The following SLC39A6 variants were observed in gnomAD, a reference collection of about 807,000 sequenced individuals.
The protein encoded by SLC39A6 is zinc transporter ZIP6.
Under a neutral mutation model 63.5 loss-of-function variants are expected in SLC39A6, and 51 were observed. The observed-to-expected ratio is 0.80, with a 90% CI of 0.64 to 1.01. The LOEUF (loss-of-function observed/expected upper bound fraction) is 1.01. SLC39A6 is among the 50% of genes least tolerant of loss of function. The pLI is 0.00. For missense variants in SLC39A6, 805 were observed against 927.8 expected (o/e 0.87, Z 1.72); for synonymous variants, 318 against 324.7 (o/e 0.98, Z 0.22).
At chr18:36,125,221 T>A (rs918796751) in intron 2 of SLC39A6, among the ~76,000 whole-genome samples, 1 of 152,080 alleles carries the variant, frequency 6.6e-6, no homozygotes, top group African/African-American at 2.4e-5. Flanking sequence ...TGCAGATTAT[T>A]CTTGTGGAGG....
At chr18:36,114,937 GA>G (rs2089331756) in intron 6 of SLC39A6, among the ~76,000 whole-genome samples, 2 of 151,994 alleles carry the variant, frequency 1.3e-5, no homozygotes, top group South Asian at 4.2e-4. Flanking sequence ...AAAATTCAAG[GA>G]AAAAACAGAG....
In SLC39A6 at chr18:36,122,250, A is replaced by G. The variant is rs777671957; in HGVS notation, c.1161T>C (p.His387=). The change falls in exon 5 of 10, where the codon CAT becomes CAC. Residue 387 remains histidine, a synonymous_variant. Coordinates refer to ENST00000269187, the MANE Select transcript of SLC39A6 (RefSeq NM_012319.4). ...TTGCTGGTTCTTCATGGCTATGACT[A>G]TGGTGGTGACTTGCATGAGACTGAA... ...LLPHSHASHH[H]SHSHEEPAME... is the part of the protein sequence containing the mutation. The G allele has an allele frequency of 2.5e-6, 4 of 1,613,074 alleles. No homozygotes were observed. The highest frequency in any genetic ancestry group is 3.3e-5 in the Admixed American group (2 of 59,924).
At chr18:36,118,233 G>A (rs1427324157) in intron 5 of SLC39A6, among the ~76,000 whole-genome samples, 2 of 152,082 alleles carry the variant, frequency 1.3e-5, no homozygotes, top group South Asian at 2.1e-4. Flanking sequence ...TAAGTATTAA[G>A]GGCCCACAGT....
At chr18:36,109,792 G>A (rs1246041163) in intron 9 of SLC39A6, 47 bp from the exon 10 acceptor site, 1 of 1,525,990 alleles carries the variant, frequency 6.6e-7, no homozygotes, top group Non-Finnish European at 8.9e-7. Flanking sequence ...TAAGTTTTTA[G>A]AACTACAGAT....
chr18:36,126,961 G>A lies in SLC39A6; in HGVS notation c.47C>T (p.Ser16Phe), dbSNP rs769383798. The change falls in exon 2 of 10, where the codon TCT (serine) becomes TTT (phenylalanine). Residue 16 changes from serine to phenylalanine, a missense_variant. Physicochemically the swap from Ser to Phe is radical, Grantham distance 155. Transcript: ENST00000269187. ...TAGTTCATGAAGGGGATTTGTGACA[G>A]AGAGGGCAAAGGTCAGGATCAAGAT... is the stretch of plus-strand genomic sequence containing the variant. ...SVILILTFAL[S>F]VTNPLHELKA... 1 of 1,614,214 alleles carries A rather than the reference G, an allele frequency of 6.2e-7. No homozygotes were observed. Among genetic ancestry groups the A allele is most frequent in the South Asian group, 1.1e-5 (1 of 91,084 alleles).
Position 36,124,581 on chromosome 18 carries a change from A to G in SLC39A6, c.909T>C (p.Cys303=). ...CCTTCTTTTCACTTGTATGAATCAGACAAGATCTAGCATCAATTTGGTTGA... is the reference window on the plus strand; with the variant it reads ...CCTTCTTTTCACTTGTATGAATCAGGCAAGATCTAGCATCAATTTGGTTGA... The part of the protein sequence containing the change: ...AIINQIDARS[C]LIHTSEKKAE... The change falls in exon 3 of 10, where the codon TGT becomes TGC. Residue 303 remains cysteine (C), a synonymous_variant. Coordinates refer to ENST00000269187, the MANE Select transcript of SLC39A6 (RefSeq NM_012319.4). The G allele has an allele frequency of 6.3e-7, 1 of 1,589,786 alleles. No homozygotes were observed. The highest frequency in any genetic ancestry group is 8.6e-7 in the Non-Finnish European group (1 of 1,160,726).
intron 3 of SLC39A6, among the ~76,000 whole-genome samples, chr18:36,123,937 A>G (rs943869122): frequency 6.6e-6 from 1 of 152,184 alleles, no homozygotes; most frequent in Non-Finnish European, 1.5e-5. Flanking sequence ...AAAGAGGAAA[A>G]AAAAATGGTT....
chr18:36,124,019 T>C (rs1023109848), intron 3 of SLC39A6, among the ~76,000 whole-genome samples: 13 of 141,052 alleles, frequency 9.2e-5, no homozygotes, highest in Admixed American at 9.0e-4. Flanking sequence ...GATAAAAGAA[T>C]TTTTTTTTTT....
At chr18:36,124,918 G>A (rs2089423902) in intron 2 of SLC39A6, among the ~76,000 whole-genome samples, 1 of 152,204 alleles carries the variant, frequency 6.6e-6, no homozygotes, top group Admixed American at 6.5e-5. Context: ...CAGAGAAGCA[G>A]TACATCACGA....
At chr18:36,128,030 C>CTG (rs575057474) in intron 1 of SLC39A6, among the ~76,000 whole-genome samples, 195 of 152,338 alleles carry the variant, frequency 1.3e-3, no homozygotes, top group African/African-American at 3.6e-3. Context: ...GAAAAACTCA[C>CTG]TGTAGCATCC....
chr18:36,114,519 T>C, intron 6 of SLC39A6, 45 bp from the exon 7 acceptor site: 1 of 1,470,578 alleles, frequency 6.8e-7, no homozygotes. Flanking sequence ...GAAGGCTTTG[T>C]TAATGGACTT....
Position 36,109,606 on chromosome 18 carries a change from C to A in SLC39A6, c.2255G>T (p.Arg752Leu). ...ISIFEHKIVF[R>L]INF ...TTTAAACCTTAACTAGAAATTTATA[C>A]GAAACACGATTTTATGTTCAAATAT... Residue 752 changes from arginine to leucine, a missense_variant, in exon 10 of 10, where the codon CGT becomes CTT. This residue lies in a region of SLC39A6 where 145 missense variants were observed against 227.2 expected (regional missense o/e 0.64). Coordinates refer to ENST00000269187, the MANE Select transcript of SLC39A6 (RefSeq NM_012319.4). 6.2e-7 allele frequency: 1 copy of A among 1,606,424 alleles called. No homozygotes were observed. Among genetic ancestry groups the A allele is most frequent in the East Asian group, 2.2e-5 (1 of 44,798 alleles).
Position 36,123,630 on chromosome 18 carries a change from G to A in SLC39A6, c.1005C>T (p.Ile335=). 10 of 1,610,256 alleles carry A rather than the reference G, an allele frequency of 6.2e-6. No homozygotes were observed. Among genetic ancestry groups the A allele is most frequent in the Non-Finnish European group, 8.5e-6 (10 of 1,179,116 alleles). ...WVGGFIAISI[I]SFLSLLGVIL... ...TAACCCCCAGCAGAGACAGGAAACTGATGATGGAAATGGCTATAAAACCAC... is the reference window on the plus strand; with the variant it reads ...TAACCCCCAGCAGAGACAGGAAACTAATGATGGAAATGGCTATAAAACCAC... Residue 335 remains isoleucine, a synonymous_variant, in exon 4 of 10, where the codon ATC becomes ATT. Coordinates refer to ENST00000269187, the MANE Select transcript of SLC39A6 (RefSeq NM_012319.4).
Position 36,122,075 on chromosome 18 carries a change from G to T in SLC39A6, c.1336C>A (p.Gln446Lys). 1 of 1,611,890 alleles carries T rather than the reference G, an allele frequency of 6.2e-7. No homozygotes were observed. The highest frequency in any genetic ancestry group is 1.1e-5 in the South Asian group (1 of 90,790). Reference protein sequence around the residue: ...LVEHVLTLIKQFKDKKKKNQK... With the variant: ...LVEHVLTLIKKFKDKKKKNQK... ...ACCTTTTTCTTCTTATCTTTAAATT[G>T]TTTGATCAATGTGAGGACATGTTCA... The change falls in exon 5 of 10, where the codon CAA becomes AAA. Residue 446 changes from glutamine (Q) to lysine (K), a missense_variant. By Grantham distance (53) the Gln-to-Lys change is moderately conservative. Around this residue, in one of 4 missense-constraint regions of SLC39A6, gnomAD observed 639 missense variants for 644.0 expected, o/e 0.99. Transcript: ENST00000269187.
chr18:36,128,224 C>T (rs1005857639), intron 1 of SLC39A6, among the ~76,000 whole-genome samples: 9 of 152,184 alleles, frequency 5.9e-5, no homozygotes, highest in Non-Finnish European at 7.3e-5. Context: ...CCAGCACCAA[C>T]GGTGGAGGTG....
Position 36,114,381 on chromosome 18 carries a change from G to A in SLC39A6, c.1559C>T (p.Ala520Val), listed in dbSNP as rs762809678. 5.0e-6 allele frequency: 8 copies of A among 1,614,204 alleles called. No individual in the cohort carries two copies. In the East Asian group the frequency reaches 1.6e-4, roughly 31 times the overall value. ...AVLEEEEVMIAHAHPQEVYNE... is the reference protein window; with the variant it reads ...AVLEEEEVMIVHAHPQEVYNE... ...GTAGACTTCCTGTGGATGAGCATGAGCTATCATGACCTCTTCTTCTTCCAA... is the reference window on the plus strand; with the variant it reads ...GTAGACTTCCTGTGGATGAGCATGAACTATCATGACCTCTTCTTCTTCCAA... Residue 520 changes from alanine (A) to valine (V), a missense_variant, in exon 7 of 10, where the codon GCT (alanine) becomes GTT (valine). This residue lies in a region of SLC39A6 where 639 missense variants were observed against 644.0 expected (regional missense o/e 0.99). Transcript: ENST00000269187.
intron 5 of SLC39A6, among the ~76,000 whole-genome samples, chr18:36,117,342 C>G (rs2089354384): frequency 6.6e-6 from 1 of 152,210 alleles, no homozygotes; most frequent in African/African-American, 2.4e-5. Context: ...ACTGAAACCC[C>G]AAACTTCCCA....
intron 2 of SLC39A6, 62 bp downstream of exon 2, chr18:36,126,157 A>G (rs2089434965): frequency 7.2e-7 from 1 of 1,397,468 alleles, no homozygotes; most frequent in East Asian, 2.3e-5. Flanking sequence ...AACTAGAGAT[A>G]GAGTAGCAGA....
rs758528912 is a variant in SLC39A6 at position 36,123,523 on chromosome 18, C to G, written c.1112G>C (p.Gly371Ala). The G allele has an allele frequency of 1.2e-6, 2 of 1,611,974 alleles. No individual in the cohort carries two copies. Among genetic ancestry groups the G allele is most frequent in the Admixed American group, 1.7e-5 (1 of 59,478 alleles). The change falls in exon 4 of 10, where the codon GGT (glycine) becomes GCT (alanine). Residue 371 changes from glycine (G) to alanine (A), a missense_variant. This residue lies in a region of SLC39A6 where 639 missense variants were observed against 644.0 expected (regional missense o/e 0.99). Transcript: ENST00000269187. ...TGGAAGAAGGTGTAAAAAAGCATCA[C>G]CACTCAAAGTCCCAACGGCCAGTGC... ...LVALAVGTLS[G>A]DAFLHLLPHS...
Sources: allele counts gnomAD v4.1 joint callset (sites outside exome capture counted in the v4.1 genomes callset), GRCh38; gene constraint gnomAD v4.1.1; regional missense constraint gnomAD v4.1.1; transcripts MANE v1.5; gene names NCBI Gene and HGNC (gene_info 2026-07-23, HGNC 2026-07-21).